Variants in C4orf17 observed in about 807,000 individuals in gnomAD.
C4orf17 encodes the protein uncharacterized protein C4orf17.
In C4orf17, 25 loss-of-function variants were observed where a neutral mutation model predicts 32.0. The ratio of observed to expected loss-of-function variants is 0.78; its 90% CI spans 0.57 to 1.09. The LOEUF (loss-of-function observed/expected upper bound fraction) is 1.09, where lower values mean the gene tolerates loss of function less well. C4orf17 is among the 50% of genes least tolerant of loss of function. The pLI is 0.00. For synonymous variants in C4orf17, 149 were observed against 145.8 expected (o/e 1.02, Z -0.16); for missense variants, 420 against 420.0 (o/e 1.00, Z 0.00).
intron 2 of C4orf17, among the ~76,000 whole-genome samples, chr4:99,515,427 C>T (rs1256058506): frequency 6.6e-6 from 1 of 152,150 alleles, no homozygotes; most frequent in East Asian, 1.9e-4. Context: ...CCATTATCCT[C>T]AGCAAACTAA....
intron 5 of C4orf17, among the ~76,000 whole-genome samples, chr4:99,534,689 G>A (rs954893329): frequency 4.6e-5 from 7 of 152,058 alleles, no homozygotes; most frequent in Non-Finnish European, 1.0e-4. Flanking sequence ...GGTGTGAGAT[G>A]GTATCTCATT....
chr4:99,518,544 T>TAGAGAGAGAG lies in C4orf17; in HGVS notation c.128-3925_128-3916dup, dbSNP rs70958313. On this transcript the variant is annotated intron_variant, in intron 2 of 8. Transcript: ENST00000326581. ...ATATATATATATATATATATATATA[T>TAGAGAGAGAG]AGAGAGAGAGAGAGAGAGAGAGAGA... Among the ~76,000 whole-genome samples, 35 of 36,812 alleles carry TAGAGAGAGAG rather than the reference T, an allele frequency of 9.5e-4. 1 individual carries two copies. The highest frequency in any genetic ancestry group is 1.5e-3 in the South Asian group (1 of 646). The allele number at this position is 36,812 out of a possible 152,430, so 24.2% of individuals were successfully genotyped here.
chr4:99,514,583 T>A (rs140702174), intron 2 of C4orf17, among the ~76,000 whole-genome samples: 3,773 of 152,186 alleles, frequency 0.025, 116 homozygotes, highest in Middle Eastern at 0.096. Flanking sequence ...AGAACGGCCA[T>A]AATTAAGTTA....
intron 5 of C4orf17, among the ~76,000 whole-genome samples, chr4:99,530,452 G>A (rs17029104): frequency 0.17 from 25,314 of 151,906 alleles, 2,636 homozygotes; most frequent in East Asian, 0.44. Flanking sequence ...CTGAAAGGCC[G>A]TCCCCAGCCA....
intron 4 of C4orf17, among the ~76,000 whole-genome samples, chr4:99,526,656 T>TC: frequency 6.6e-6 from 1 of 151,334 alleles, no homozygotes; most frequent in East Asian, 1.9e-4. Flanking sequence ...CTTTTCTTTT[T>TC]TTTTTTTTTA....
chr4:99,537,786 C>T (rs1328410048), intron 6 of C4orf17, 36 bp downstream of exon 6: 1 of 1,443,756 alleles, frequency 6.9e-7, no homozygotes, highest in South Asian at 1.1e-5. Flanking sequence ...ACACTGAGCT[C>T]AATTTATTGT....
intron 2 of C4orf17, among the ~76,000 whole-genome samples, chr4:99,514,891 G>T (rs1723152019): frequency 6.6e-6 from 1 of 152,126 alleles, no homozygotes; most frequent in African/African-American, 2.4e-5. Context: ...AAACAATGTG[G>T]TATATATACA....
At chr4:99,531,063 T>C (rs1481967682) in intron 5 of C4orf17, among the ~76,000 whole-genome samples, 2 of 152,102 alleles carry the variant, frequency 1.3e-5, no homozygotes, top group African/African-American at 4.8e-5. Context: ...TCAGAGATAC[T>C]TTCTCTAACC....
chr4:99,532,590 G>A (rs555009840), intron 5 of C4orf17, among the ~76,000 whole-genome samples: 1 of 152,072 alleles, frequency 6.6e-6, no homozygotes, highest in Non-Finnish European at 1.5e-5. Context: ...GAAACTATCC[G>A]GAACTCTGTT....
intron 2 of C4orf17, among the ~76,000 whole-genome samples, chr4:99,518,538 T>TAG (rs1560585518): frequency 1.5e-4 from 11 of 72,264 alleles, no homozygotes; most frequent in Non-Finnish European, 1.7e-4. Context: ...TATATATATA[T>TAG]ATATATAGAG....
At chr4:99,540,208 A>T (rs1723632609) in intron 7 of C4orf17, among the ~76,000 whole-genome samples, 1 of 152,152 alleles carries the variant, frequency 6.6e-6, no homozygotes, top group African/African-American at 2.4e-5. Context: ...CTAACATATG[A>T]TACAATAGTT....
chr4:99,528,994 C>T (rs1214257829), intron 4 of C4orf17, among the ~76,000 whole-genome samples: 1 of 152,146 alleles, frequency 6.6e-6, no homozygotes, highest in African/African-American at 2.4e-5. Flanking sequence ...TACTGTGTTA[C>T]TATTTTTCCA....
intron 5 of C4orf17, among the ~76,000 whole-genome samples, chr4:99,534,849 T>C (rs1238250887): frequency 1.3e-5 from 2 of 152,238 alleles, no homozygotes. Flanking sequence ...CACTGGTCTG[T>C]GTTCTTAGCT....
At chr4:99,540,372 A>G (rs1319901653) in intron 7 of C4orf17, 40 bp from the exon 8 acceptor site, 6 of 1,499,932 alleles carry the variant, frequency 4.0e-6, no homozygotes, top group Non-Finnish European at 5.6e-6. Context: ...ACTTTTTTGT[A>G]TCTGTGAAAT....
At chr4:99,538,861 T>C (rs1467761288) in intron 6 of C4orf17, among the ~76,000 whole-genome samples, 4 of 152,242 alleles carry the variant, frequency 2.6e-5, no homozygotes, top group Non-Finnish European at 5.9e-5. Context: ...TATCCTTATA[T>C]CTTTGGCAGC....
intron 7 of C4orf17, among the ~76,000 whole-genome samples, chr4:99,539,996 G>A (rs1723629133): frequency 1.3e-5 from 2 of 152,070 alleles, no homozygotes; most frequent in Non-Finnish European, 2.9e-5. Flanking sequence ...TGTTATTTAA[G>A]CTAGGAGAGA....
Position 99,522,524 on chromosome 4 carries a change from C to A in C4orf17, c.152C>A (p.Thr51Asn). ...IKGLNNIPIC[T>N]VNDDENAFGT... The stretch of plus-strand genomic sequence containing the variant: ...GGCTTGAATAACATTCCAATCTGTA[C>A]TGTGAATGATGATGAGAATGCATTT... Residue 51 changes from threonine to asparagine, a missense_variant, in exon 3 of 9, where the codon ACT (threonine) becomes AAT (asparagine). Transcript: ENST00000326581. 2 of 1,613,576 alleles carry A rather than the reference C, an allele frequency of 1.2e-6. No homozygotes were observed. Among genetic ancestry groups the A allele is most frequent in the South Asian group, 1.1e-5 (1 of 91,050 alleles).
Position 99,537,670 on chromosome 4 carries a change from T to A in C4orf17, c.548T>A (p.Ile183Asn). 1 of 1,610,582 alleles carries A rather than the reference T, an allele frequency of 6.2e-7. No homozygotes were observed. Among genetic ancestry groups the A allele is most frequent in the Non-Finnish European group, 8.5e-7 (1 of 1,178,248 alleles). The change falls in exon 6 of 9, where the codon ATC becomes AAC. Residue 183 changes from isoleucine to asparagine, a missense_variant and splice_region_variant. Ile to Asn is a moderately radical substitution (Grantham distance 149). Transcript: ENST00000326581. ...IPNYLDQEIK[I>N]LAKLCSILHT... The stretch of plus-strand genomic sequence containing the variant: ...TGTAACTCTAATGTTCTCTGTCAGA[T>A]CCTGGCAAAGCTCTGTAGCATTTTG...
In C4orf17 at chr4:99,522,499, G is replaced by A; in HGVS notation, c.128-1G>A. 1 of 1,611,964 alleles carries A rather than the reference G, an allele frequency of 6.2e-7. No individual in the cohort carries two copies. The highest frequency in any genetic ancestry group is 8.5e-7 in the Non-Finnish European group (1 of 1,178,510). On this transcript the variant is annotated splice_acceptor_variant, in intron 2 of 8. Transcript: ENST00000326581. LOFTEE classifies it high-confidence loss of function. ...TCTTTTTTTAATCTTTACTCACCTA[G>A]GCTTGAATAACATTCCAATCTGTAC...
Sources: gnomAD v4.1 joint callset for allele counts (sites outside exome capture counted in the v4.1 genomes callset) on GRCh38, gnomAD v4.1.1 for gene constraint, MANE v1.5 for transcripts, NCBI Gene and HGNC (gene_info 2026-07-23, HGNC 2026-07-21) for gene names.